The following PABPC1L variants were observed in gnomAD, a reference collection of about 807,000 sequenced individuals.
PABPC1L encodes the protein poly(A) binding protein cytoplasmic 1 like, also known as polyadenylate-binding protein 1-like.
In PABPC1L, 31 loss-of-function variants were observed where a neutral mutation model predicts 66.6. The ratio of observed to expected loss-of-function variants is 0.47; its 90% CI spans 0.35 to 0.63. The LOEUF is 0.63. PABPC1L is among the 20% of genes least tolerant of loss of function. The pLI, the probability that PABPC1L is intolerant of heterozygous loss-of-function variation, is 0.00. For synonymous variants in PABPC1L, 348 were observed against 335.1 expected (o/e 1.04, Z -0.42); for missense variants, 722 against 848.8 (o/e 0.85, Z 1.86).
At chr20:44,921,800 G>C in intron 6 of PABPC1L, 69 bp downstream of exon 6, 1 of 1,593,382 alleles carries the variant, frequency 6.3e-7, no homozygotes, top group Admixed American at 1.9e-5. Flanking sequence ...GCCCTGAGTG[G>C]TGACTGTTTC....
At chr20:44,923,220 C>T (rs2066786190) in intron 6 of PABPC1L, among the ~76,000 whole-genome samples, 3 of 152,224 alleles carry the variant, frequency 2.0e-5, no homozygotes, top group Admixed American at 6.5e-5. Flanking sequence ...GTCTCTGCCA[C>T]TTAGCTACTG....
At chr20:44,928,415 T>C (rs1167096447) in intron 7 of PABPC1L, among the ~76,000 whole-genome samples, 1 of 152,242 alleles carries the variant, frequency 6.6e-6, no homozygotes, top group African/African-American at 2.4e-5. Context: ...ATTTTCTTTT[T>C]CTTCATGACA....
At chr20:44,921,238 C>T (rs1047040727) in intron 5 of PABPC1L, among the ~76,000 whole-genome samples, 4 of 151,504 alleles carry the variant, frequency 2.6e-5, no homozygotes, top group Non-Finnish European at 4.4e-5. Flanking sequence ...CAACCTCCAC[C>T]TCCCAGGTTC....
intron 3 of PABPC1L, among the ~76,000 whole-genome samples, chr20:44,918,313 G>C (rs2425682): frequency 0.42 from 63,537 of 152,106 alleles, 13,857 homozygotes; most frequent in African/African-American, 0.53. Flanking sequence ...CTGGGCGATA[G>C]AGCGAAACTC....
At chr20:44,927,739 G>C (rs1338924921) in intron 7 of PABPC1L, among the ~76,000 whole-genome samples, 1 of 152,082 alleles carries the variant, frequency 6.6e-6, no homozygotes, top group Non-Finnish European at 1.5e-5. Flanking sequence ...CACCCAGGCT[G>C]GAATGCAGTG....
chr20:44,917,497 C>T (rs1438699318), intron 3 of PABPC1L, among the ~76,000 whole-genome samples: 1 of 151,750 alleles, frequency 6.6e-6, no homozygotes, highest in African/African-American at 2.4e-5. Context: ...TGAGCTACTG[C>T]GCCTGACTTT....
chr20:44,937,288 G>T lies in PABPC1L; in HGVS notation c.1660+558G>T. 1.7e-5 allele frequency: 5 copies of T among 295,432 alleles called. 1 individual carries two copies. The highest frequency in any genetic ancestry group is 1.5e-4 in the South Asian group (5 of 33,836). The allele number at this position is 295,432 out of a possible 1,614,324, so 18.3% of individuals were successfully genotyped here. ...GTGAACACAAGCTTGTTCCTGGTTG[G>T]CAGGTTCTTTACTGCATGGCCCCCG... On this transcript the variant is annotated intron_variant, in intron 12 of 14. Coordinates refer to ENST00000217073, the MANE Select transcript of PABPC1L (RefSeq NM_001372179.1).
intron 6 of PABPC1L, among the ~76,000 whole-genome samples, chr20:44,923,319 T>A (rs1656894583): frequency 6.6e-6 from 1 of 152,130 alleles, no homozygotes; most frequent in Admixed American, 6.6e-5. Flanking sequence ...AGGGTTGTTG[T>A]GAGGATTAAA....
chr20:44,919,213 A>G lies in PABPC1L; in HGVS notation c.674A>G (p.Asp225Gly), dbSNP rs1231909193. 1.2e-6 allele frequency: 2 copies of G among 1,614,062 alleles called. No homozygotes were observed. Among genetic ancestry groups the G allele is most frequent in the Non-Finnish European group, 1.7e-6 (2 of 1,180,050 alleles). ...ATGCTGAGTGTGAAGGTGATGAGGG[A>G]CAACAGCGGCCACTCGCGGTGCTTT... ...GKMLSVKVMR[D>G]NSGHSRCFGF... Residue 225 changes from aspartate to glycine, a missense_variant, in exon 5 of 15, where the codon GAC becomes GGC. This residue lies in a region of PABPC1L where 137 missense variants were observed against 216.8 expected (regional missense o/e 0.63). Transcript: ENST00000217073.
chr20:44,910,149 C>T lies in PABPC1L; in HGVS notation c.6C>T (p.Asn2=), dbSNP rs1048937948. Residue 2 remains asparagine (N), a synonymous_variant, in exon 1 of 15, where the codon AAC becomes AAT. Coordinates refer to ENST00000217073, the MANE Select transcript of PABPC1L (RefSeq NM_001372179.1). The part of the protein sequence containing the change: M[N]ASGSGYPLAS... ...GCCCCGGCCCCCTGCCCACCATGAACGCCAGCGGTTCTGGCTACCCGCTTG... is the reference window on the plus strand; with the variant it reads ...GCCCCGGCCCCCTGCCCACCATGAATGCCAGCGGTTCTGGCTACCCGCTTG... 1.1e-5 allele frequency: 17 copies of T among 1,563,042 alleles called. No individual in the cohort carries two copies. The African/African-American group carries it at 1.8e-4, about 16-fold the overall frequency.
In PABPC1L at chr20:44,921,643, C is replaced by T. The variant is rs747061139; in HGVS notation, c.788C>T (p.Ala263Val). ...GKEVSGRLLYAGRAQKRVERQ... is the reference protein window; with the variant it reads ...GKEVSGRLLYVGRAQKRVERQ... ...GAGGTGAGCGGGCGGCTGCTGTACG[C>T]GGGCCGGGCCCAAAAGCGCGTGGAG... Residue 263 changes from alanine to valine, a missense_variant, in exon 6 of 15, where the codon GCG becomes GTG. By Grantham distance (64) the Ala-to-Val change is moderately conservative. Coordinates refer to ENST00000217073, the MANE Select transcript of PABPC1L (RefSeq NM_001372179.1). 3.8e-5 allele frequency: 61 copies of T among 1,613,894 alleles called. 1 individual carries two copies. Among genetic ancestry groups the T allele is most frequent in the South Asian group, 3.5e-4 (32 of 91,068 alleles).
intron 10 of PABPC1L, among the ~76,000 whole-genome samples, chr20:44,935,190 T>G (rs899254458): frequency 6.6e-6 from 1 of 152,048 alleles, no homozygotes. Flanking sequence ...TCTGTTTAAC[T>G]GTTTGAGAAA....
chr20:44,933,963 G>T (rs1168734596), intron 10 of PABPC1L, among the ~76,000 whole-genome samples: 1 of 151,952 alleles, frequency 6.6e-6, no homozygotes, highest in Non-Finnish European at 1.5e-5. Context: ...TGTTGGCCAG[G>T]CTGGTCTCGA....
At chr20:44,915,136 G>A (rs1281013905) in intron 2 of PABPC1L, among the ~76,000 whole-genome samples, 3 of 152,228 alleles carry the variant, frequency 2.0e-5, no homozygotes, top group Non-Finnish European at 4.4e-5. Flanking sequence ...AAGATCTGTT[G>A]TGCAACACCC....
chr20:44,918,748 C>T (rs369202911), intron 3 of PABPC1L, among the ~76,000 whole-genome samples, 158 bp from the exon 4 acceptor site: 5 of 152,254 alleles, frequency 3.3e-5, no homozygotes, highest in African/African-American at 7.2e-5. Flanking sequence ...TGGAGGTAGC[C>T]GGGCCTTGGG....
intron 6 of PABPC1L, 59 bp downstream of exon 6, chr20:44,921,790 G>A: frequency 1.3e-6 from 2 of 1,596,612 alleles, no homozygotes; most frequent in Non-Finnish European, 1.7e-6. Context: ...TGTGTCGGGG[G>A]CCCTGAGTGG....
chr20:44,922,967 A>G (rs2066784468), intron 6 of PABPC1L, among the ~76,000 whole-genome samples: 2 of 152,248 alleles, frequency 1.3e-5, no homozygotes, highest in Non-Finnish European at 2.9e-5. Context: ...TGAGAAACAC[A>G]TACATCCTCT....
chr20:44,935,421 GT>G lies in PABPC1L; in HGVS notation c.1491del (p.Ser497ArgfsTer3). 1 of 1,614,210 alleles carries G rather than the reference GT, an allele frequency of 6.2e-7. No individual in the cohort carries two copies. The highest frequency in any genetic ancestry group is 8.5e-7 in the Non-Finnish European group (1 of 1,180,024). On this transcript the variant is annotated frameshift_variant, in exon 11 of 15. Coordinates refer to ENST00000217073, the MANE Select transcript of PABPC1L (RefSeq NM_001372179.1). LOFTEE classifies it high-confidence loss of function. The stretch of plus-strand genomic sequence containing the variant: ...ATTGGTACTCAGACCACAGGACCCA[GT>G]GGGGTAGGATGCTGTACACCAGGCC... ...ANIGTQTTGP[S>X]GVGCCTPGRP...
intron 7 of PABPC1L, among the ~76,000 whole-genome samples, chr20:44,925,388 A>C (rs2145568543): frequency 6.6e-6 from 1 of 152,284 alleles, no homozygotes; most frequent in East Asian, 1.9e-4. Flanking sequence ...CCCGTCACTA[A>C]CTCAAATGGA....
Sources: allele counts gnomAD v4.1 joint callset (sites outside exome capture counted in the v4.1 genomes callset), GRCh38; gene constraint gnomAD v4.1.1; regional missense constraint gnomAD v4.1.1; transcripts MANE v1.5; gene names NCBI Gene and HGNC (gene_info 2026-07-23, HGNC 2026-07-21).